LTBP1: variants seen among roughly 807,000 people sequenced by gnomAD.
LTBP1 encodes latent transforming growth factor beta binding protein 1.
A neutral mutation model predicts 207.6 loss-of-function variants in LTBP1; 129 were observed. That is an observed-to-expected ratio of 0.62 (90% CI 0.54 to 0.72). LTBP1 has a LOEUF of 0.72. LTBP1 is among the 30% of genes least tolerant of loss of function. LTBP1 has a pLI of 0.00. For synonymous variants in LTBP1, 963 were observed against 833.7 expected (o/e 1.16, Z -2.67); for missense variants, 2,281 against 2,217.2 (o/e 1.03, Z -0.58).
intron 2 of LTBP1, among the ~76,000 whole-genome samples, chr2:33,011,637 C>G (rs971947514): frequency 6.6e-6 from 1 of 151,940 alleles, no homozygotes; most frequent in Non-Finnish European, 1.5e-5. Flanking sequence ...AAGAATAAAT[C>G]TCTGTTATTT....
chr2:33,293,289 A>ACCT lies in LTBP1; in HGVS notation c.3235+8_3235+9insCTC. 1 of 1,587,330 alleles carries ACCT rather than the reference A, an allele frequency of 6.3e-7. No homozygotes were observed. The highest frequency in any genetic ancestry group is 8.5e-7 in the Non-Finnish European group (1 of 1,172,498). On this transcript the variant is annotated splice_region_variant and intron_variant, in intron 20 of 33. Coordinates refer to ENST00000404816, the MANE Select transcript of LTBP1 (RefSeq NM_206943.4). ...GACCACAAGCACTGTAGAGGTAAAT[A>ACCT]CTGTGATCAAGTTTCCCATTTTTAT...
Position 33,272,067 on chromosome 2 carries a change from G to C in LTBP1, c.2618-1589G>C, listed in dbSNP as rs1266883509. 2.4e-4 allele frequency among the ~76,000 whole-genome samples: 37 copies of C among 152,184 alleles called. 1 individual carries two copies. The highest frequency in any genetic ancestry group is 2.2e-3 in the Admixed American group (33 of 15,284). ...ATTTCTCATACATCCAGGTGACTTT[G>C]TGTAAAATGCTGAAGTTCATATGCT... On this transcript the variant is annotated intron_variant, in intron 15 of 33. Transcript: ENST00000404816.
intron 5 of LTBP1, among the ~76,000 whole-genome samples, chr2:33,149,858 CT>C (rs1156776120): frequency 6.6e-6 from 1 of 152,132 alleles, no homozygotes; most frequent in African/African-American, 2.4e-5. Flanking sequence ...GGAGGGAATT[CT>C]GAGTGTGTTT....
At chr2:32,961,555 C>T (rs187892035) in intron 2 of LTBP1, among the ~76,000 whole-genome samples, 1 of 87,718 alleles carries the variant, frequency 1.1e-5, no homozygotes, top group African/African-American at 4.1e-5. Context: ...TTTGTTCATC[C>T]CCCCCACCTC....
At chr2:33,366,923 A>G (rs375500872) in intron 31 of LTBP1, among the ~76,000 whole-genome samples, 28 of 152,230 alleles carry the variant, frequency 1.8e-4, no homozygotes, top group Admixed American at 8.5e-4. Flanking sequence ...TATATTGTCT[A>G]ATTTTTTTCC....
intron 2 of LTBP1, among the ~76,000 whole-genome samples, chr2:32,977,264 T>C (rs1350335858): frequency 6.6e-6 from 1 of 152,130 alleles, no homozygotes; most frequent in Non-Finnish European, 1.5e-5. Flanking sequence ...GCAGGACTGC[T>C]GGGTTGGAAG....
intron 3 of LTBP1, 96 bp from the exon 4 acceptor site, chr2:33,110,486 C>A: frequency 8.9e-7 from 1 of 1,119,536 alleles, no homozygotes; most frequent in Admixed American, 2.2e-5. Context: ...AATTGATGCT[C>A]CTTTCTACAT....
At chr2:33,109,686 G>C (rs536817936) in intron 3 of LTBP1, among the ~76,000 whole-genome samples, 1 of 152,270 alleles carries the variant, frequency 6.6e-6, no homozygotes, top group South Asian at 2.1e-4. Context: ...AACTCAAATA[G>C]TACAATTTAT....
chr2:33,369,434 G>A (rs998193230), intron 31 of LTBP1, among the ~76,000 whole-genome samples: 28 of 152,152 alleles, frequency 1.8e-4, no homozygotes, highest in Admixed American at 4.6e-4. Context: ...GCTGGTTGGC[G>A]AGAACAACTA....
chr2:33,145,803 T>C (rs1445979715), intron 5 of LTBP1, among the ~76,000 whole-genome samples: 2 of 152,166 alleles, frequency 1.3e-5, no homozygotes, highest in Admixed American at 6.5e-5. Flanking sequence ...TTCAACAAAA[T>C]TTCCTTTGTA....
intron 26 of LTBP1, among the ~76,000 whole-genome samples, chr2:33,354,915 A>G (rs2094838176): frequency 6.6e-6 from 1 of 151,876 alleles, no homozygotes; most frequent in African/African-American, 2.4e-5. Context: ...TCGTTTTTAA[A>G]ATTTTTTTGT....
At chr2:33,035,841 TA>T (rs1170436201) in intron 3 of LTBP1, among the ~76,000 whole-genome samples, 1 of 152,128 alleles carries the variant, frequency 6.6e-6, no homozygotes, top group South Asian at 2.1e-4. Flanking sequence ...AGGATAGTAA[TA>T]AAAAAACCCA....
intron 4 of LTBP1, among the ~76,000 whole-genome samples, chr2:33,132,403 T>A (rs1322665556): frequency 6.6e-6 from 1 of 152,140 alleles, no homozygotes; most frequent in Non-Finnish European, 1.5e-5. Context: ...TACTGAAGTG[T>A]TTAAGTAAAG....
rs535524829 is a variant in LTBP1 at position 33,163,167 on chromosome 2, C to T, written c.1202-23689C>T. Among the ~76,000 whole-genome samples the T allele has an allele frequency of 1.4e-4, 22 of 152,244 alleles. No individual in the cohort carries two copies. In the South Asian group the frequency reaches 1.5e-3, roughly 10 times the overall value. Reference sequence around the variant, plus strand: ...TGGCTAATTGTATTTTTTATAGAAACAGGGTTTTGCCATGTTGCCTAGGCT... The same window carrying T: ...TGGCTAATTGTATTTTTTATAGAAATAGGGTTTTGCCATGTTGCCTAGGCT... On this transcript the variant is annotated intron_variant, in intron 5 of 33. Transcript: ENST00000404816.
chr2:33,088,560 G>T (rs566173798), intron 3 of LTBP1, among the ~76,000 whole-genome samples: 6 of 152,162 alleles, frequency 3.9e-5, no homozygotes, highest in Admixed American at 2.6e-4. Flanking sequence ...CATGTGTTCC[G>T]CTCTGTTTGG....
intron 2 of LTBP1, among the ~76,000 whole-genome samples, chr2:32,996,883 T>G (rs1022990968): frequency 4.6e-5 from 7 of 152,004 alleles, no homozygotes; most frequent in African/African-American, 9.7e-5. Flanking sequence ...GTGGAACTTT[T>G]TTTTGTTTTG....
chr2:33,042,305 C>G (rs2076227942), intron 3 of LTBP1, among the ~76,000 whole-genome samples: 1 of 152,154 alleles, frequency 6.6e-6, no homozygotes, highest in Non-Finnish European at 1.5e-5. Context: ...TAAAATGCTT[C>G]AAACAACATG....
chr2:33,021,366 C>T (rs1278215371), intron 3 of LTBP1, among the ~76,000 whole-genome samples, 160 bp downstream of exon 3: 2 of 152,170 alleles, frequency 1.3e-5, no homozygotes, highest in Non-Finnish European at 2.9e-5. Context: ...AGGCTTTACA[C>T]ATGGAATCTC....
At chr2:33,288,984 A>T (rs558630013) in intron 19 of LTBP1, among the ~76,000 whole-genome samples, 1 of 152,374 alleles carries the variant, frequency 6.6e-6, no homozygotes, top group East Asian at 1.9e-4. Context: ...CATTTTAAAA[A>T]GGAAGTGATG....
Sources: allele counts gnomAD v4.1 joint callset (sites outside exome capture counted in the v4.1 genomes callset), GRCh38; gene constraint gnomAD v4.1.1; transcripts MANE v1.5; gene names NCBI Gene and HGNC (gene_info 2026-07-23, HGNC 2026-07-21).